The following PSMA6 variants were observed in gnomAD, a reference collection of about 807,000 sequenced individuals.
The protein encoded by PSMA6 is proteasome 20S subunit alpha 6, also known as proteasome subunit alpha type-6.
For missense variants in PSMA6, 170 were observed against 294.8 expected, an observed-to-expected ratio of 0.58 and a Z score of 3.10; for synonymous variants, 88 against 97.7, an observed-to-expected ratio of 0.90 and a Z score of 0.59.
intron 1 of PSMA6, among the ~76,000 whole-genome samples, chr14:35,305,997 G>A (rs2138740874): frequency 6.6e-6 from 1 of 152,266 alleles, no homozygotes; most frequent in South Asian, 2.1e-4. Context: ...AGTCTGAGGT[G>A]GGAGGATCGC....
At chr14:35,283,046 T>TG (rs1349322815) in intron 1 of PSMA6, among the ~76,000 whole-genome samples, 1 of 152,038 alleles carries the variant, frequency 6.6e-6, no homozygotes, top group Non-Finnish European at 1.5e-5. Context: ...GGTTTCACCA[T>TG]GTTGGCCAGG....
intron 1 of PSMA6, among the ~76,000 whole-genome samples, chr14:35,300,854 A>G (rs953827582): frequency 3.9e-5 from 6 of 152,220 alleles, no homozygotes; most frequent in African/African-American, 1.4e-4. Context: ...TTGTAGCTTG[A>G]AAAATTGAGT....
chr14:35,315,413 C>T (rs1188032000), intron 6 of PSMA6: 3 of 151,044 alleles, frequency 2.0e-5, no homozygotes, highest in Admixed American at 2.0e-4. Context: ...AAAAAAACAG[C>T]TGGGTGCTGT....
At chr14:35,295,709 C>T (rs2051573697) in intron 1 of PSMA6, among the ~76,000 whole-genome samples, 1 of 152,198 alleles carries the variant, frequency 6.6e-6, no homozygotes, top group South Asian at 2.1e-4. Flanking sequence ...ACCTCGGCCT[C>T]CCAAAGTGCT....
intron 4 of PSMA6, among the ~76,000 whole-genome samples, chr14:35,312,323 C>T (rs562904026): frequency 4.6e-5 from 7 of 151,504 alleles, no homozygotes; most frequent in East Asian, 3.9e-4. Context: ...CTGGCTAACA[C>T]GGCGAAACCC....
At chr14:35,298,728 T>TTTATTATTA (rs34505017) in intron 1 of PSMA6, among the ~76,000 whole-genome samples, 1 of 151,158 alleles carries the variant, frequency 6.6e-6, no homozygotes, top group Non-Finnish European at 1.5e-5. Flanking sequence ...TCTTTATTTC[T>TTTATTATTA]TTATTATTAT....
intron 3 of PSMA6, among the ~76,000 whole-genome samples, 195 bp from the exon 4 acceptor site, chr14:35,310,545 C>G (rs1485138236): frequency 6.6e-6 from 1 of 152,076 alleles, no homozygotes; most frequent in African/African-American, 2.4e-5. Flanking sequence ...TAGAGAGCTT[C>G]ATGTTTTTAA....
In PSMA6 at chr14:35,292,425, T is replaced by C. The variant is rs2051501120; in HGVS notation, c.-52T>C. ...TTCCGGGAGGTGCTTGTGTGCCTGGTGCGGGAGCTACGGGGCCCAGGGATT... is the reference window on the plus strand; with the variant it reads ...TTCCGGGAGGTGCTTGTGTGCCTGGCGCGGGAGCTACGGGGCCCAGGGATT... On this transcript the variant is annotated 5_prime_UTR_variant, in exon 1 of 7. Coordinates refer to ENST00000261479, the MANE Select transcript of PSMA6 (RefSeq NM_002791.3). 3 of 1,586,332 alleles carry C rather than the reference T, an allele frequency of 1.9e-6. No individual in the cohort carries two copies. The highest frequency in any genetic ancestry group is 2.6e-6 in the Non-Finnish European group (3 of 1,166,714).
At chr14:35,289,915 C>CAAAAAAAAAAAAAAAA (rs750610944), upstream of PSMA6, among the ~76,000 whole-genome samples, 1 of 79,620 alleles carries the variant, frequency 1.3e-5, no homozygotes, top group East Asian at 3.5e-4. Context: ...TACCGCATTT[C>CAAAAAAAAAAAAAAAA]AAAAAAAAAA....
chr14:35,312,974 C>A lies in PSMA6; in HGVS notation c.503C>A (p.Ala168Glu). 1 of 1,578,948 alleles carries A rather than the reference C, an allele frequency of 6.3e-7. No homozygotes were observed. Among genetic ancestry groups the A allele is most frequent in the East Asian group, 2.3e-5 (1 of 43,132 alleles). The change falls in exon 5 of 7, where the codon GCG becomes GAG. Residue 168 changes from alanine to glutamate, a missense_variant. By Grantham distance (107) the Ala-to-Glu change is moderately radical (BLOSUM62 -1). Transcript: ENST00000261479. ...TACTGTGGGTTTAAAGCCACTGCAG[C>A]GGGAGTTAAACAAACTGAGTCAACC... ...GYYCGFKATA[A>E]GVKQTESTSF...
intron 2 of PSMA6, 123 bp downstream of exon 2, chr14:35,308,211 C>A (rs764056413): frequency 3.8e-6 from 5 of 1,317,618 alleles, no homozygotes; most frequent in Non-Finnish European, 1.0e-6. Context: ...CACCTTAGAT[C>A]GGGAGTTCTA....
intron 1 of PSMA6, among the ~76,000 whole-genome samples, chr14:35,302,944 G>C (rs191311896): frequency 2.6e-5 from 4 of 152,102 alleles, no homozygotes; most frequent in Non-Finnish European, 5.9e-5. Flanking sequence ...AGTTATAATG[G>C]TTGTTTTTAA....
chr14:35,284,967 T>C (rs1293306188), intron 1 of PSMA6, among the ~76,000 whole-genome samples: 1 of 152,212 alleles, frequency 6.6e-6, no homozygotes, highest in Non-Finnish European at 1.5e-5. Context: ...TTTTGGAACT[T>C]GCCTTTGTTT....
At chr14:35,309,629 C>CA (rs2051901249) in intron 3 of PSMA6, among the ~76,000 whole-genome samples, 2 of 151,982 alleles carry the variant, frequency 1.3e-5, no homozygotes, top group South Asian at 4.2e-4. Context: ...CCATCTCTAC[C>CA]AAAAATACAA....
upstream of PSMA6, among the ~76,000 whole-genome samples, chr14:35,289,915 CAAAAA>C (rs750610944): frequency 7.8e-3 from 618 of 79,644 alleles, 7 homozygotes; most frequent in African/African-American, 0.03. Context: ...TACCGCATTT[CAAAAA>C]AAAAAAAAAA....
At chr14:35,291,823 C>CAAAAA (rs113987343), upstream of PSMA6, among the ~76,000 whole-genome samples, 24 of 47,720 alleles carry the variant, frequency 5.0e-4, no homozygotes, top group African/African-American at 1.2e-3. Flanking sequence ...AACTCTGTCT[C>CAAAAA]AAAAAAAAAA....
At chr14:35,281,013 A>G (rs965646072) in intron 1 of PSMA6, among the ~76,000 whole-genome samples, 1 of 152,002 alleles carries the variant, frequency 6.6e-6, no homozygotes, top group Non-Finnish European at 1.5e-5. Context: ...CTTTAACCCA[A>G]CCACCACTGG....
upstream of PSMA6, among the ~76,000 whole-genome samples, chr14:35,291,829 A>C (rs1233096657): frequency 1.3e-5 from 2 of 148,600 alleles, no homozygotes; most frequent in Non-Finnish European, 1.5e-5. Context: ...GTCTCAAAAA[A>C]AAAAAAAAAA....
chr14:35,282,311 T>C (rs1594371667), intron 1 of PSMA6, among the ~76,000 whole-genome samples: 1 of 152,326 alleles, frequency 6.6e-6, no homozygotes, highest in East Asian at 1.9e-4. Context: ...CATGACTCAC[T>C]GCAGCCTTGA....
Sources: allele counts gnomAD v4.1 joint callset (sites outside exome capture counted in the v4.1 genomes callset), GRCh38; gene constraint gnomAD v4.1.1; transcripts MANE v1.5; gene names NCBI Gene and HGNC (gene_info 2026-07-23, HGNC 2026-07-21).